NUP210L: variants seen among roughly 807,000 people sequenced by gnomAD.
NUP210L encodes the protein nucleoporin 210 like.
Under a neutral mutation model 208.5 loss-of-function variants are expected in NUP210L, and 74 were observed. The observed-to-expected ratio is 0.35, with a 90% confidence interval of 0.29 to 0.43. NUP210L has a LOEUF of 0.43. NUP210L is among the 20% of genes least tolerant of loss of function. The probability of loss-of-function intolerance (pLI) is 1.00; values close to 1 mark genes in which losing one functional copy is unlikely to be tolerated. For missense variants in NUP210L, 1,843 were observed against 2,289.4 expected (o/e 0.81, Z 3.98); for synonymous variants, 780 against 816.9 (o/e 0.95, Z 0.77).
intron 13 of NUP210L, among the ~76,000 whole-genome samples, chr1:154,102,752 C>T (rs1039199319): frequency 6.6e-6 from 1 of 151,950 alleles, no homozygotes; most frequent in African/African-American, 2.4e-5. Flanking sequence ...GGATGTTGAC[C>T]GTTATTCATA....
At chr1:154,056,474 G>A (rs1292176585) in intron 23 of NUP210L, among the ~76,000 whole-genome samples, 1 of 151,960 alleles carries the variant, frequency 6.6e-6, no homozygotes, top group Admixed American at 6.6e-5. Flanking sequence ...GAGTGCAATG[G>A]CACAATCACA....
chr1:154,131,610 G>GT lies in NUP210L; in HGVS notation c.1010-2266dup, dbSNP rs1297741762. ...CGTTGTGTCTTTTTCAAACTTATTT[G>GT]TTTTTGTCCTTATGAAAGCCAAGCT... On this transcript the variant is annotated intron_variant, in intron 7 of 39. Transcript: ENST00000368559. Among the ~76,000 whole-genome samples, 4 of 150,578 alleles carry GT rather than the reference G, an allele frequency of 2.7e-5. 1 individual carries two copies. Among genetic ancestry groups the GT allele is most frequent in the African/African-American group, 9.8e-5 (4 of 40,900 alleles).
chr1:154,026,042 G>T (rs1213414202), intron 29 of NUP210L, among the ~76,000 whole-genome samples: 2 of 151,408 alleles, frequency 1.3e-5, no homozygotes, highest in Admixed American at 6.6e-5. Context: ...GGCCAACATG[G>T]TGAAACCCCG....
chr1:154,008,510 C>T (rs1324301093), intron 35 of NUP210L, among the ~76,000 whole-genome samples: 3 of 152,136 alleles, frequency 2.0e-5, no homozygotes, highest in African/African-American at 4.8e-5. Flanking sequence ...AGTTCGAGAC[C>T]AGCCTGACCA....
At chr1:154,078,166 A>T (rs1655138098) in intron 16 of NUP210L, among the ~76,000 whole-genome samples, 1 of 150,854 alleles carries the variant, frequency 6.6e-6, no homozygotes, top group Non-Finnish European at 1.5e-5. Flanking sequence ...TACAAAAATT[A>T]GCTAGGCACA....
intron 5 of NUP210L, among the ~76,000 whole-genome samples, 175 bp downstream of exon 5, chr1:154,139,627 G>C (rs1658726514): frequency 6.6e-6 from 1 of 151,454 alleles, no homozygotes; most frequent in South Asian, 2.1e-4. Context: ...TCAGAAGTTT[G>C]AGACCAGCCT....
At chr1:154,043,269 C>T (rs1557936053) in intron 27 of NUP210L, among the ~76,000 whole-genome samples, 1 of 152,078 alleles carries the variant, frequency 6.6e-6, no homozygotes, top group Non-Finnish European at 1.5e-5. Flanking sequence ...ATCCACGCGC[C>T]TCGGCCTCCC....
At chr1:154,077,651 T>C (rs1655110860) in intron 16 of NUP210L, among the ~76,000 whole-genome samples, 1 of 152,160 alleles carries the variant, frequency 6.6e-6, no homozygotes, top group South Asian at 2.1e-4. Flanking sequence ...TATAAATGTA[T>C]TTTCGGTTGT....
intron 7 of NUP210L, among the ~76,000 whole-genome samples, chr1:154,130,587 T>TC (rs1658197711): frequency 1.4e-5 from 2 of 146,488 alleles, no homozygotes; most frequent in African/African-American, 5.0e-5. Flanking sequence ...TTTTTTTTTT[T>TC]TTTTTTTTTT....
chr1:154,131,237 A>G (rs1447557684), intron 7 of NUP210L, among the ~76,000 whole-genome samples: 1 of 149,964 alleles, frequency 6.7e-6, no homozygotes, highest in Admixed American at 6.7e-5. Context: ...GCGCCACTGC[A>G]CTCCAGCCCG....
chr1:154,129,065 T>G (rs1402173068), intron 8 of NUP210L, among the ~76,000 whole-genome samples: 1 of 152,192 alleles, frequency 6.6e-6, no homozygotes, highest in Non-Finnish European at 1.5e-5. Context: ...ATTACATGGA[T>G]TTTCATATTT....
intron 7 of NUP210L, among the ~76,000 whole-genome samples, chr1:154,129,792 CAGAT>C (rs956341803): frequency 7.2e-5 from 11 of 152,310 alleles, no homozygotes; most frequent in African/African-American, 2.6e-4. Context: ...TAGAACTCCA[CAGAT>C]AGTTTCAAAA....
chr1:154,092,121 G>A (rs1175302427), intron 15 of NUP210L, among the ~76,000 whole-genome samples: 5 of 149,758 alleles, frequency 3.3e-5, no homozygotes, highest in African/African-American at 1.2e-4. Context: ...TGTCGCCCAG[G>A]CTGGAGTGCA....
At chr1:154,120,630 TAA>T (rs553188982) in intron 10 of NUP210L, among the ~76,000 whole-genome samples, 364 of 117,846 alleles carry the variant, frequency 3.1e-3, no homozygotes, top group African/African-American at 0.011. Flanking sequence ...GTATAATAAT[TAA>T]AAAAAAAAAA....
At chr1:154,091,501 CTTTTTTTTT>C (rs772608860) in intron 15 of NUP210L, among the ~76,000 whole-genome samples, 7 of 124,636 alleles carry the variant, frequency 5.6e-5, no homozygotes, top group African/African-American at 2.3e-4. Flanking sequence ...CTTTTCTTTT[CTTTTTTTTT>C]TTTTTTTTGA....
intron 2 of NUP210L, among the ~76,000 whole-genome samples, chr1:154,144,695 A>C (rs114485061): frequency 0.013 from 1,987 of 152,338 alleles, 44 homozygotes; most frequent in African/African-American, 0.044. Flanking sequence ...TTTTAGCTTC[A>C]TCCAAAAAAA....
intron 23 of NUP210L, among the ~76,000 whole-genome samples, chr1:154,055,123 T>TTTC (rs1653750097): frequency 1.7e-5 from 2 of 117,238 alleles, no homozygotes; most frequent in East Asian, 5.0e-4. Context: ...TCTTTCTTTC[T>TTTC]TTTCTTTCTT....
intron 25 of NUP210L, among the ~76,000 whole-genome samples, chr1:154,050,811 G>T (rs1027378535): frequency 2.0e-5 from 3 of 152,130 alleles, no homozygotes; most frequent in African/African-American, 7.2e-5. Flanking sequence ...ACCAATTGAA[G>T]ATGCTGAAAA....
At chr1:154,008,073 T>C (rs1650669402) in intron 35 of NUP210L, among the ~76,000 whole-genome samples, 2 of 151,664 alleles carry the variant, frequency 1.3e-5, no homozygotes, top group Non-Finnish European at 2.9e-5. Context: ...GGTTTCACCA[T>C]GTCGGCCAGG....
Sources: allele counts gnomAD v4.1 joint callset (sites outside exome capture counted in the v4.1 genomes callset), GRCh38; gene constraint gnomAD v4.1.1; transcripts MANE v1.5; gene names NCBI Gene and HGNC (gene_info 2026-07-23, HGNC 2026-07-21).